CYB5R3: variants seen among roughly 807,000 people sequenced by gnomAD.
CYB5R3 encodes the protein NADH-cytochrome b5 reductase 3.
In CYB5R3, 28 loss-of-function variants were observed where a neutral mutation model predicts 36.5. The ratio of observed to expected loss-of-function variants is 0.77; its 90% CI spans 0.57 to 1.05. The LOEUF is 1.05. CYB5R3 is among the 50% of genes least tolerant of loss of function. CYB5R3 has a pLI of 0.00. For synonymous variants in CYB5R3, 181 were observed against 159.8 expected, an observed-to-expected ratio of 1.13 and a Z score of -1.00; for missense variants, 474 against 408.9, an observed-to-expected ratio of 1.16 and a Z score of -1.37.
rs1266463173 is a variant in CYB5R3 at position 42,640,299 on chromosome 22, TCCCGAATGGC to T, written c.22-3463_22-3454del. 23 of 1,534,980 alleles carry T rather than the reference TCCCGAATGGC, an allele frequency of 1.5e-5. No individual in the cohort carries two copies. In the Admixed American group the frequency reaches 4.5e-4, roughly 30 times the overall value. On this transcript the variant is annotated intron_variant, in intron 1 of 8. Transcript: ENST00000352397. ...TGGTTCTGGGATGGAAAGTCCATCA[TCCCGAATGGC>T]CAGCTGAAGGTCACCCCCCGGAAGG...
chr22:42,637,320 T>G (rs1928951232), intron 1 of CYB5R3, among the ~76,000 whole-genome samples: 1 of 152,140 alleles, frequency 6.6e-6, no homozygotes, highest in Non-Finnish European at 1.5e-5. Context: ...CAACTCAGAA[T>G]CTATCTGAAA....
chr22:42,631,316 T>C (rs1259383067), intron 3 of CYB5R3, 62 bp downstream of exon 3: 1 of 1,468,470 alleles, frequency 6.8e-7, no homozygotes, highest in Admixed American at 2.0e-5. Context: ...CTTCCATCTC[T>C]CTGATCTAGT....
Position 42,619,629 on chromosome 22 carries a change from A to G in CYB5R3, c.*144T>C, listed in dbSNP as rs1927843843. ...CTGCTCCCGAAGGGGCTCCAGGGGA[A>G]CTGCTCAGCCAGGTGATTCACCAGG... On this transcript the variant is annotated 3_prime_UTR_variant, in exon 9 of 9. Coordinates refer to ENST00000352397, the MANE Select transcript of CYB5R3 (RefSeq NM_000398.7). 1.3e-6 allele frequency: 1 copy of G among 754,928 alleles called. No individual in the cohort carries two copies. The highest frequency in any genetic ancestry group is 1.7e-5 in the African/African-American group (1 of 57,514). 46.8% of individuals were successfully genotyped at this position (754,928 alleles called of 1,614,324 possible). A position where few individuals can be genotyped will look rare whatever the true frequency, so the allele number is the denominator to read the frequency against.
chr22:42,627,838 A>G, intron 5 of CYB5R3, 150 bp from the exon 6 acceptor site: 2 of 742,096 alleles, frequency 2.7e-6, no homozygotes, highest in Non-Finnish European at 4.8e-6. Context: ...AGGAAGGTGC[A>G]GGAGCAGTGG....
Position 42,628,086 on chromosome 22 carries a change from C to T in CYB5R3, c.463+66G>A, listed in dbSNP as rs1028697054. On this transcript the variant is annotated intron_variant, in intron 5 of 8. Coordinates refer to ENST00000352397, the MANE Select transcript of CYB5R3 (RefSeq NM_000398.7). ...GAGCCAGGGGCCTGCACCCTGCACC[C>T]AGCACGCCCAAGCTCTCCAATTCTC... 6 of 1,606,254 alleles carry T rather than the reference C, an allele frequency of 3.7e-6. No homozygotes were observed. The African/African-American group carries it at 5.4e-5, about 14-fold the overall frequency.
intron 8 of CYB5R3, among the ~76,000 whole-genome samples, chr22:42,623,334 G>C (rs1418923582): frequency 6.6e-6 from 1 of 152,210 alleles, no homozygotes; most frequent in Non-Finnish European, 1.5e-5. Flanking sequence ...GGTGGAACAA[G>C]GGTAACCCCA....
intron 1 of CYB5R3, among the ~76,000 whole-genome samples, chr22:42,646,233 A>C: frequency 6.6e-6 from 1 of 151,890 alleles, no homozygotes; most frequent in East Asian, 1.9e-4. Flanking sequence ...ACACACACAG[A>C]CCACCTCACC....
rs747576014 is a variant in CYB5R3, at chr22:42,640,218, A to G, written c.22-3372T>C. ...CCAATCGAGGCTTCAAGTAAGTCAC[A>G]GCAGCATTCACCAGTGCTGGGGTCT... On this transcript the variant is annotated intron_variant, in intron 1 of 8. Transcript: ENST00000352397. The G allele has an allele frequency of 2.5e-6, 4 of 1,599,348 alleles. No individual in the cohort carries two copies. In the African/African-American group the frequency reaches 4.0e-5, roughly 16 times the overall value.
chr22:42,622,560 C>T (rs1156770037), intron 8 of CYB5R3, among the ~76,000 whole-genome samples: 1 of 152,156 alleles, frequency 6.6e-6, no homozygotes, highest in East Asian at 1.9e-4. Context: ...GGTCTCTCAG[C>T]CTGGAGGCCT....
chr22:42,620,601 A>T (rs948310216), intron 8 of CYB5R3, among the ~76,000 whole-genome samples: 1 of 152,132 alleles, frequency 6.6e-6, no homozygotes, highest in African/African-American at 2.4e-5. Context: ...CCAAGAGAAA[A>T]GCTGCTGAAG....
At chr22:42,627,561 C>T in intron 6 of CYB5R3, 44 bp downstream of exon 6, 1 of 1,583,188 alleles carries the variant, frequency 6.3e-7, no homozygotes, top group Non-Finnish European at 8.7e-7. Context: ...CAACCCCACC[C>T]TTAACATGAG....
At chr22:42,638,730 A>AAAAG (rs1929053144) in intron 1 of CYB5R3, among the ~76,000 whole-genome samples, 1 of 62,694 alleles carries the variant, frequency 1.6e-5, no homozygotes, top group African/African-American at 6.0e-5. Context: ...AGACTCCATA[A>AAAAG]AAAAAAAAAA....
At chr22:42,646,404 C>G (rs1283196162) in intron 1 of CYB5R3, among the ~76,000 whole-genome samples, 1 of 152,168 alleles carries the variant, frequency 6.6e-6, no homozygotes, top group East Asian at 1.9e-4. Context: ...CAGGGAGCCC[C>G]CAGCTCATGC....
In CYB5R3 at chr22:42,618,503, C is replaced by CCGCAG; in HGVS notation, c.*1269_*1270insCTGCG. ...AGTGAGCCGAGATCCCGCCACTGCA[C>CCGCAG]TCCAGCCTGGGCGACAGAGCGAGAC... On this transcript the variant is annotated 3_prime_UTR_variant, in exon 9 of 9. Transcript: ENST00000352397. The CCGCAG allele has an allele frequency of 1.4e-5, 2 of 141,330 alleles. No individual in the cohort carries two copies. Among genetic ancestry groups the CCGCAG allele is most frequent in the African/African-American group, 5.5e-5 (2 of 36,600 alleles). 8.8% of individuals were successfully genotyped at this position (141,330 alleles called of 1,614,324 possible). A position where few individuals can be genotyped will look rare whatever the true frequency, so the allele number is the denominator to read the frequency against.
intron 1 of CYB5R3, chr22:42,646,536 G>A (rs997226526): frequency 6.0e-6 from 3 of 500,734 alleles, no homozygotes; most frequent in African/African-American, 4.2e-5. Context: ...GGTTAGGGGT[G>A]GGCAGAGAGA....
At chr22:42,639,899 A>T in intron 1 of CYB5R3, 1 of 1,477,746 alleles carries the variant, frequency 6.8e-7, no homozygotes, top group Non-Finnish European at 9.0e-7. Flanking sequence ...TAGCAGTCTG[A>T]TCACACCTGG....
Position 42,630,896 on chromosome 22 carries a change from C to T in CYB5R3, c.319G>A (p.Asp107Asn). The stretch of plus-strand genomic sequence containing the variant: ...AGAGGCTTCACCTTGATGACCAGGT[C>T]CACGAAGCCCTTGTCATCATCGCTG... ...ISSDDDKGFV[D>N]LVIKVYFKDT... Residue 107 changes from aspartate (D) to asparagine (N), a missense_variant, in exon 4 of 9, where the codon GAC (aspartate) becomes AAC (asparagine). By Grantham distance (23) the Asp-to-Asn change is conservative. Coordinates refer to ENST00000352397, the MANE Select transcript of CYB5R3 (RefSeq NM_000398.7). The T allele has an allele frequency of 1.2e-6, 2 of 1,613,382 alleles. No individual in the cohort carries two copies. The highest frequency in any genetic ancestry group is 1.3e-5 in the African/African-American group (1 of 75,040).
chr22:42,631,388 G>A lies in CYB5R3; in HGVS notation c.216C>T (p.Gly72=). The change falls in exon 3 of 9, where the codon GGC becomes GGT. Residue 72 remains glycine (G), a synonymous_variant. Transcript: ENST00000352397. ...AGGGGCGTGACTCACCGACAGGGAG[G>A]CCCAGGATGTGCTGGGGTGACGGCA... is the stretch of plus-strand genomic sequence containing the variant. ...FALPSPQHIL[G]LPVGQHIYLS... 6.4e-7 allele frequency: 1 copy of A among 1,551,572 alleles called. No individual in the cohort carries two copies. The highest frequency in any genetic ancestry group is 8.7e-7 in the Non-Finnish European group (1 of 1,146,946).
rs1228962039 is a variant in CYB5R3 at position 42,638,743 on chromosome 22, A to G, written c.22-1897T>C. On this transcript the variant is annotated intron_variant, in intron 1 of 8. Coordinates refer to ENST00000352397, the MANE Select transcript of CYB5R3 (RefSeq NM_000398.7). ...CAAGACTCCATAAAAAAAAAAAAAA[A>G]AAAAAAAGGCCGGGCGCGGTGGCTC... 1.4e-5 allele frequency among the ~76,000 whole-genome samples: 2 copies of G among 138,568 alleles called. 1 individual carries two copies. Among genetic ancestry groups the G allele is most frequent in the Non-Finnish European group, 3.1e-5 (2 of 64,052 alleles). The allele number at this position is 138,568 out of a possible 152,430, so 90.9% of individuals were successfully genotyped here.
Sources: allele counts gnomAD v4.1 joint callset (sites outside exome capture counted in the v4.1 genomes callset), GRCh38; gene constraint gnomAD v4.1.1; transcripts MANE v1.5; gene names NCBI Gene and HGNC (gene_info 2026-07-23, HGNC 2026-07-21).